AFG1L: variants seen among roughly 807,000 people sequenced by gnomAD.
The protein encoded by AFG1L is AFG1 like ATPase.
AFG1L carries 53 observed loss-of-function variants against 62.2 expected under a neutral mutation model. The observed-to-expected ratio is 0.85, with a 90% CI of 0.68 to 1.07. The LOEUF (loss-of-function observed/expected upper bound fraction) is 1.07, where lower values mean the gene tolerates loss of function less well. AFG1L is among the 50% of genes least tolerant of loss of function. AFG1L has a pLI of 0.00. For synonymous variants in AFG1L, 228 were observed against 210.3 expected, an observed-to-expected ratio of 1.08 and a Z score of -0.73; for missense variants, 555 against 590.5, an observed-to-expected ratio of 0.94 and a Z score of 0.62.
At chr6:108,368,885 G>C (rs574722525) in intron 6 of AFG1L, among the ~76,000 whole-genome samples, 1 of 152,148 alleles carries the variant, frequency 6.6e-6, no homozygotes, top group Non-Finnish European at 1.5e-5. Flanking sequence ...CGGTGTGTCA[G>C]GGTAGCCTGC....
At chr6:108,320,296 C>A (rs534315478) in intron 1 of AFG1L, among the ~76,000 whole-genome samples, 2 of 152,064 alleles carry the variant, frequency 1.3e-5, no homozygotes, top group African/African-American at 4.8e-5. Flanking sequence ...GGGAGTGGCC[C>A]GCCGGTCAAA....
intron 5 of AFG1L, among the ~76,000 whole-genome samples, chr6:108,357,401 G>A (rs1253858635): frequency 6.6e-6 from 1 of 152,052 alleles, no homozygotes; most frequent in African/African-American, 2.4e-5. Context: ...AATTTTAAAG[G>A]TAGCTGAAAG....
intron 6 of AFG1L, among the ~76,000 whole-genome samples, chr6:108,373,099 C>T (rs546975396): frequency 6.6e-6 from 1 of 152,132 alleles, no homozygotes; most frequent in East Asian, 1.9e-4. Flanking sequence ...ATATATATTG[C>T]ATGATGCTGA....
chr6:108,484,762 A>G (rs999888689), intron 10 of AFG1L, among the ~76,000 whole-genome samples: 5 of 152,240 alleles, frequency 3.3e-5, no homozygotes, highest in African/African-American at 9.6e-5. Flanking sequence ...TAAGATGTAC[A>G]TAAGTAACTT....
At chr6:108,412,863 A>G (rs995892422) in intron 7 of AFG1L, among the ~76,000 whole-genome samples, 1 of 152,216 alleles carries the variant, frequency 6.6e-6, no homozygotes, top group Admixed American at 6.5e-5. Flanking sequence ...TCAACTAATG[A>G]GCAAAATAAC....
intron 10 of AFG1L, among the ~76,000 whole-genome samples, chr6:108,496,144 G>C (rs1582665326): frequency 6.6e-6 from 1 of 152,310 alleles, no homozygotes; most frequent in African/African-American, 2.4e-5. Flanking sequence ...TAGTTACATA[G>C]GAGGATCAAC....
At chr6:108,335,720 G>A (rs771893000) in intron 2 of AFG1L, among the ~76,000 whole-genome samples, 7 of 152,178 alleles carry the variant, frequency 4.6e-5, no homozygotes, top group Admixed American at 6.6e-5. Flanking sequence ...CACCTAAGCT[G>A]GCCAAAAGCA....
Position 108,378,493 on chromosome 6 carries a change from A to G in AFG1L, c.748+12161A>G, listed in dbSNP as rs541425283. Among the ~76,000 whole-genome samples, 3 of 151,982 alleles carry G rather than the reference A, an allele frequency of 2.0e-5. No homozygotes were observed. The East Asian group carries it at 5.8e-4, about 29-fold the overall frequency. The stretch of plus-strand genomic sequence containing the variant: ...GCCACCACGCCCAGCTAATTTTTGT[A>G]TTTTTAGTAGAGATGGGGTTTCACC... On this transcript the variant is annotated intron_variant, in intron 6 of 12. Transcript: ENST00000368977.
In AFG1L at chr6:108,507,289, A is replaced by G. The variant is rs1774456928; in HGVS notation, c.1063-2923A>G. 2.0e-5 allele frequency among the ~76,000 whole-genome samples: 3 copies of G among 152,208 alleles called. No individual in the cohort carries two copies. The South Asian group carries it at 6.2e-4, about 32-fold the overall frequency. On this transcript the variant is annotated intron_variant, in intron 10 of 12. Transcript: ENST00000368977. ...TGTTGTGCAGTGATCAACACTGTCT[A>G]CCTCTAGAACTTTTTCCTCATCCTA...
chr6:108,460,939 A>G (rs2114779189), intron 8 of AFG1L, among the ~76,000 whole-genome samples: 1 of 152,350 alleles, frequency 6.6e-6, no homozygotes, highest in East Asian at 1.9e-4. Context: ...CCTGGGCGAC[A>G]GAGCGAGACT....
chr6:108,522,360 A>G lies in AFG1L; in HGVS notation c.1381A>G (p.Ile461Val). Residue 461 changes from isoleucine (I) to valine (V), a missense_variant, in exon 13 of 13, where the codon ATT (isoleucine) becomes GTT (valine). Coordinates refer to ENST00000368977, the MANE Select transcript of AFG1L (RefSeq NM_145315.5). The stretch of plus-strand genomic sequence containing the variant: ...GGAAATCTTTGCATTTCAGCGCACA[A>G]TTTCCCGACTCACGGAAATGCAGAC... ...EEEIFAFQRT[I>V]SRLTEMQTEQ... is the part of the protein sequence containing the mutation. 1 of 1,614,088 alleles carries G rather than the reference A, an allele frequency of 6.2e-7. No individual in the cohort carries two copies. Among genetic ancestry groups the G allele is most frequent in the Non-Finnish European group, 8.5e-7 (1 of 1,179,974 alleles).
chr6:108,322,064 AT>A (rs910711255), intron 1 of AFG1L, among the ~76,000 whole-genome samples: 1 of 151,984 alleles, frequency 6.6e-6, no homozygotes, highest in Admixed American at 6.6e-5. Context: ...TTAAAAACAA[AT>A]TTTTTTTAAA....
At chr6:108,458,326 A>C (rs1398685846) in intron 8 of AFG1L, among the ~76,000 whole-genome samples, 1 of 151,504 alleles carries the variant, frequency 6.6e-6, no homozygotes, top group Non-Finnish European at 1.5e-5. Context: ...TGCTCTGTTC[A>C]CTTTTTTCAT....
intron 10 of AFG1L, among the ~76,000 whole-genome samples, chr6:108,496,608 C>A (rs775665452): frequency 6.6e-6 from 1 of 152,194 alleles, no homozygotes; most frequent in South Asian, 2.1e-4. Flanking sequence ...AAAAATAACG[C>A]ACAGTAAATA....
At chr6:108,303,646 C>T (rs1184119405) in intron 1 of AFG1L, among the ~76,000 whole-genome samples, 1 of 152,160 alleles carries the variant, frequency 6.6e-6, no homozygotes, top group Non-Finnish European at 1.5e-5. Flanking sequence ...GTTATCTATC[C>T]ATACTCTTGA....
chr6:108,374,688 A>G (rs890067050), intron 6 of AFG1L, among the ~76,000 whole-genome samples: 1 of 152,072 alleles, frequency 6.6e-6, no homozygotes, highest in African/African-American at 2.4e-5. Flanking sequence ...CCATTGGTCT[A>G]TATGTCTGTT....
intron 7 of AFG1L, among the ~76,000 whole-genome samples, chr6:108,426,888 A>G (rs1186661126): frequency 3.9e-5 from 6 of 152,072 alleles, no homozygotes; most frequent in Non-Finnish European, 5.9e-5. Context: ...AGTAGCCACT[A>G]TTAAAAATTT....
At chr6:108,404,601 G>C (rs1230436247) in intron 7 of AFG1L, among the ~76,000 whole-genome samples, 1 of 151,948 alleles carries the variant, frequency 6.6e-6, no homozygotes, top group Non-Finnish European at 1.5e-5. Flanking sequence ...ATTACTGAGA[G>C]ACTTAGGGGA....
chr6:108,371,616 T>C (rs1171468337), intron 6 of AFG1L, among the ~76,000 whole-genome samples: 1 of 151,642 alleles, frequency 6.6e-6, no homozygotes, highest in Non-Finnish European at 1.5e-5. Context: ...TCTCCCACCT[T>C]AGCCTCCCAA....
Sources: allele counts gnomAD v4.1 joint callset (sites outside exome capture counted in the v4.1 genomes callset), GRCh38; gene constraint gnomAD v4.1.1; transcripts MANE v1.5; gene names NCBI Gene and HGNC (gene_info 2026-07-23, HGNC 2026-07-21).